Variants in NFKBIA observed in about 807,000 individuals in gnomAD.
NFKBIA encodes NF-kappa-B inhibitor alpha.
NFKBIA carries 10 observed loss-of-function variants against 36.3 expected under a neutral mutation model. That is an observed-to-expected ratio of 0.28 (90% CI 0.17 to 0.47). The LOEUF (loss-of-function observed/expected upper bound fraction) is 0.47. Among genes scored for constraint, NFKBIA ranks in the 20% least tolerant of loss-of-function variants. The probability of loss-of-function intolerance (pLI) is 0.99; values close to 1 mark genes in which losing one functional copy is unlikely to be tolerated. For missense variants in NFKBIA, 355 were observed against 399.3 expected, an observed-to-expected ratio of 0.89 and a Z score of 0.94; for synonymous variants, 205 against 164.4, an observed-to-expected ratio of 1.25 and a Z score of -1.89.
rs928841865 is a variant in NFKBIA, at chr14:35,402,539, T to C, written c.761A>G (p.Tyr254Cys). The change falls in exon 5 of 6, where the codon TAC becomes TGC. Residue 254 changes from tyrosine to cysteine, a missense_variant. Transcript: ENST00000216797. ...NRVTYQGYSP[Y>C]QLTWGRPSTR... is the part of the protein sequence containing the mutation. ...GCTTGGGCGGCCCCAGGTGAGCTGG[T>C]AGGGAGAATAGCCCTGGTAGGTAAC... 2 of 1,614,132 alleles carry C rather than the reference T, an allele frequency of 1.2e-6. No individual in the cohort carries two copies. The highest frequency in any genetic ancestry group is 2.2e-5 in the South Asian group (2 of 91,076).
chr14:35,403,586 A>C (rs2233415), intron 2 of NFKBIA, 104 bp downstream of exon 2: 1 of 885,462 alleles, frequency 1.1e-6, no homozygotes, highest in Admixed American at 2.0e-5. Flanking sequence ...AGGTGAGGGT[A>C]AATAGTGCTC....
intron 2 of NFKBIA, 117 bp from the exon 3 acceptor site, chr14:35,403,477 G>A (rs1367230528): frequency 1.7e-6 from 2 of 1,171,522 alleles, no homozygotes; most frequent in Middle Eastern, 2.3e-4. Context: ...GGGGTGGGGA[G>A]GGCTGGCAAA....
At position 35,402,910 on chromosome 14, in the gene NFKBIA, CT is replaced by C. The variant is rs748985962; in HGVS notation, c.548-52del. ...TAACCACCTGTTTCAACCCTCACTC[CT>C]TTCACCTATTCTTTTATGGAACAAG... On this transcript the variant is annotated intron_variant, in intron 3 of 5. Transcript: ENST00000216797. The C allele has an allele frequency of 1.1e-4, 164 of 1,522,114 alleles. 1 individual carries two copies. The highest frequency in any genetic ancestry group is 3.3e-5 in the Non-Finnish European group (36 of 1,100,438). 94.3% of individuals were successfully genotyped at this position (1,522,114 alleles called of 1,614,324 possible). A position where few individuals can be genotyped will look rare whatever the true frequency, so the allele number is the denominator to read the frequency against.
chr14:35,401,759 A>G lies in NFKBIA; in HGVS notation c.*254T>C. ...ATGAAATTTTTGATAACCTTCTCCA[A>G]AAACCCCACAAAGGTGAGGTTTAAA... On this transcript the variant is annotated 3_prime_UTR_variant, in exon 6 of 6. Transcript: ENST00000216797. 3.7e-6 allele frequency: 2 copies of G among 544,426 alleles called. No individual in the cohort carries two copies. The highest frequency in any genetic ancestry group is 3.2e-5 in the Admixed American group (1 of 30,830). 33.7% of individuals were successfully genotyped at this position (544,426 alleles called of 1,614,324 possible).
chr14:35,404,337 C>T, intron 1 of NFKBIA, 81 bp downstream of exon 1: 2 of 1,096,148 alleles, frequency 1.8e-6, no homozygotes, highest in South Asian at 2.0e-5. Context: ...GGCTCGGGCT[C>T]CAGGCCCGGC....
Position 35,402,969 on chromosome 14 carries a change from G to A in NFKBIA, c.548-110C>T, listed in dbSNP as rs574478766. Reference sequence around the variant, plus strand: ...ATCTTCTGAATTTTAAGAACCCACAGTCTGGGTTCTGAAAGAACTTTATAA... The same window carrying A: ...ATCTTCTGAATTTTAAGAACCCACAATCTGGGTTCTGAAAGAACTTTATAA... On this transcript the variant is annotated intron_variant, in intron 3 of 5. Coordinates refer to ENST00000216797, the MANE Select transcript of NFKBIA (RefSeq NM_020529.3). The A allele has an allele frequency of 1.6e-5, 20 of 1,284,330 alleles. No individual in the cohort carries two copies. The Admixed American group carries it at 2.5e-4, about 16-fold the overall frequency. 79.6% of individuals were successfully genotyped at this position (1,284,330 alleles called of 1,614,324 possible).
chr14:35,403,586 A>G lies in NFKBIA; in HGVS notation c.336+104T>C, dbSNP rs2233415. On this transcript the variant is annotated intron_variant, in intron 2 of 5. Coordinates refer to ENST00000216797, the MANE Select transcript of NFKBIA (RefSeq NM_020529.3). Reference sequence around the variant, plus strand: ...CTGATGTGAAGTAAAAGGTGAGGGTAAATAGTGCTCAGTGGCCCTGAATTC... The same window carrying G: ...CTGATGTGAAGTAAAAGGTGAGGGTGAATAGTGCTCAGTGGCCCTGAATTC... 0.73 allele frequency: 647,831 copies of G among 885,522 alleles called. 240,882 individuals carry two copies. Among genetic ancestry groups the G allele is most frequent in the South Asian group, 0.84 (59,687 of 71,190 alleles). 54.9% of individuals were successfully genotyped at this position (885,522 alleles called of 1,614,324 possible).
In NFKBIA at chr14:35,402,595, G is replaced by A. The variant is rs760478586; in HGVS notation, c.705C>T (p.Leu235=). 15 of 1,614,262 alleles carry A rather than the reference G, an allele frequency of 9.3e-6. No individual in the cohort carries two copies. The highest frequency in any genetic ancestry group is 1.3e-5 in the African/African-American group (1 of 75,066). ...VDLQNPDLVS[L]LLKCGADVNR... is the part of the protein sequence containing the mutation. The stretch of plus-strand genomic sequence containing the variant: ...TGACATCAGCCCCACACTTCAACAG[G>A]AGTGACACCAGGTCAGGATTTTGCA... The change falls in exon 5 of 6, where the codon CTC becomes CTT. Residue 235 remains leucine (L), a synonymous_variant. Transcript: ENST00000216797.
At chr14:35,403,980 T>TC (rs1445665843) in intron 1 of NFKBIA, 182 bp from the exon 2 acceptor site, 10 of 597,234 alleles carry the variant, frequency 1.7e-5, no homozygotes, top group Non-Finnish European at 2.7e-5. Context: ...TCCGCCCCCC[T>TC]CCCCCCGCGG....
At chr14:35,402,116 C>T in intron 5 of NFKBIA, 56 bp from the exon 6 acceptor site, 2 of 1,603,920 alleles carry the variant, frequency 1.2e-6, no homozygotes, top group Non-Finnish European at 1.7e-6. Context: ...CTCTGCCAAG[C>T]TACCGGGATG....
chr14:35,404,364 C>G, intron 1 of NFKBIA, 54 bp downstream of exon 1: 18 of 908,150 alleles, frequency 2.0e-5, no homozygotes, highest in Non-Finnish European at 2.9e-5. Context: ...CACCCCCAGG[C>G]CGCGCGCGTC....
chr14:35,402,866 G>C lies in NFKBIA; in HGVS notation c.548-7C>G. 1 of 1,613,100 alleles carries C rather than the reference G, an allele frequency of 6.2e-7. No individual in the cohort carries two copies. The highest frequency in any genetic ancestry group is 1.1e-5 in the South Asian group (1 of 91,030). On this transcript the variant is annotated splice_polypyrimidine_tract_variant and splice_region_variant and intron_variant, in intron 3 of 5. Coordinates refer to ENST00000216797, the MANE Select transcript of NFKBIA (RefSeq NM_020529.3). ...AAGTGTAGACACGTGTGGCCTGGAA[G>C]AACAAAAGGAAAAAAGTATAACCAC...
chr14:35,402,792 C>G lies in NFKBIA; in HGVS notation c.615G>C (p.Leu205Phe). The G allele has an allele frequency of 6.2e-7, 1 of 1,614,204 alleles. No individual in the cohort carries two copies. Among genetic ancestry groups the G allele is most frequent in the Middle Eastern group, 1.6e-4 (1 of 6,062 alleles). The change falls in exon 4 of 6, where the codon TTG (leucine) becomes TTC (phenylalanine). Residue 205 changes from leucine to phenylalanine, a missense_variant. Coordinates refer to ENST00000216797, the MANE Select transcript of NFKBIA (RefSeq NM_020529.3). ...YLGIVELLVSLGADVNAQEPC... is the reference protein window; with the variant it reads ...YLGIVELLVSFGADVNAQEPC... ...CAACCTGAGCATTGACATCAGCACCCAAGGACACCAAAAGCTCCACGATGC... is the reference window on the plus strand; with the variant it reads ...CAACCTGAGCATTGACATCAGCACCGAAGGACACCAAAAGCTCCACGATGC...
chr14:35,403,921 C>T, intron 1 of NFKBIA, 123 bp from the exon 2 acceptor site: 1 of 741,550 alleles, frequency 1.3e-6, no homozygotes, highest in Non-Finnish European at 2.4e-6. Flanking sequence ...GCGGTGTTTT[C>T]CGCGAGGTTA....
Position 35,403,188 on chromosome 14 carries a change from G to C in NFKBIA, c.509C>G (p.Pro170Arg), listed in dbSNP as rs770933211. 6 of 1,612,258 alleles carry C rather than the reference G, an allele frequency of 3.7e-6. No individual in the cohort carries two copies. The highest frequency in any genetic ancestry group is 1.1e-5 in the South Asian group (1 of 91,010). The change falls in exon 3 of 6, where the codon CCG becomes CGG. Residue 170 changes from proline to arginine, a missense_variant. By Grantham distance (103) the Pro-to-Arg change is moderately radical. Transcript: ENST00000216797. ...VGVLTQSCTTPHLHSILKATN... is the reference protein window; with the variant it reads ...VGVLTQSCTTRHLHSILKATN... ...AGCCTTCAGGATGGAGTGGAGGTGC[G>C]GGGTGGTGCAGGACTGAGTCAGGAC...
At position 35,404,425 on chromosome 14, in the gene NFKBIA, C is replaced by G. The variant is rs766345843; in HGVS notation, c.220G>C (p.Gly74Arg). Residue 74 changes from glycine (G) to arginine (R), a missense_variant, in exon 1 of 6, where the codon GGG (glycine) becomes CGG (arginine). Transcript: ENST00000216797. Reference protein sequence around the residue: ...EPWKQQLTEDGDSFLHLAIIH... With the variant: ...EPWKQQLTEDRDSFLHLAIIH... ...CGGGCCTCCGCCACTTACGAGTCCCCGTCCTCGGTGAGCTGCTGCTTCCAG... is the reference window on the plus strand; with the variant it reads ...CGGGCCTCCGCCACTTACGAGTCCCGGTCCTCGGTGAGCTGCTGCTTCCAG... 6.9e-6 allele frequency: 11 copies of G among 1,584,988 alleles called. No individual in the cohort carries two copies. Among genetic ancestry groups the G allele is most frequent in the Non-Finnish European group, 6.8e-6 (8 of 1,168,538 alleles).
Position 35,402,346 on chromosome 14 carries a change from G to A in NFKBIA, c.906+48C>T, listed in dbSNP as rs762648255. ...GCTCTAGGGGCCTGGGAGGGTGAAG[G>A]GAATGGCACCTCATTAGTTAGAGCG... On this transcript the variant is annotated intron_variant, in intron 5 of 5. Transcript: ENST00000216797. 1.9e-6 allele frequency: 3 copies of A among 1,611,054 alleles called. No homozygotes were observed. In the East Asian group the frequency reaches 6.7e-5, roughly 36 times the overall value.
In NFKBIA at chr14:35,401,932, CTTCT is replaced by C. The variant is rs952168011; in HGVS notation, c.*77_*80del. On this transcript the variant is annotated 3_prime_UTR_variant, in exon 6 of 6. Coordinates refer to ENST00000216797, the MANE Select transcript of NFKBIA (RefSeq NM_020529.3). ...TATAAGTACACCCTTTAAATTTTTT[CTTCT>C]TTTTTCTTTTTTTAGAAAAATAAAA... 2.6e-5 allele frequency: 34 copies of C among 1,294,432 alleles called. No individual in the cohort carries two copies. The East Asian group carries it at 5.8e-4, about 22-fold the overall frequency. The allele number at this position is 1,294,432 out of a possible 1,614,324, so 80.2% of individuals were successfully genotyped here.
At position 35,401,940 on chromosome 14, in the gene NFKBIA, TTC is replaced by T; in HGVS notation, c.*71_*72del. The T allele has an allele frequency of 6.4e-7, 1 of 1,572,534 alleles. No individual in the cohort carries two copies. Among genetic ancestry groups the T allele is most frequent in the Middle Eastern group, 2.1e-4 (1 of 4,774 alleles). On this transcript the variant is annotated 3_prime_UTR_variant, in exon 6 of 6. Coordinates refer to ENST00000216797, the MANE Select transcript of NFKBIA (RefSeq NM_020529.3). The stretch of plus-strand genomic sequence containing the variant: ...CACCCTTTAAATTTTTTCTTCTTTT[TTC>T]TTTTTTTAGAAAAATAAAACTTTTT...
Sources: allele counts gnomAD v4.1 joint callset, GRCh38; gene constraint gnomAD v4.1.1; transcripts MANE v1.5; gene names NCBI Gene and HGNC (gene_info 2026-07-23, HGNC 2026-07-21).